The following RBCK1 variants were observed in gnomAD, a reference collection of about 807,000 sequenced individuals.
RBCK1 encodes the protein ranBP-type and C3HC4-type zinc finger-containing protein 1.
In RBCK1, 44 loss-of-function variants were observed where a neutral mutation model predicts 71.1. The ratio of observed to expected loss-of-function variants is 0.62; its 90% confidence interval spans 0.49 to 0.80. The LOEUF is 0.80. RBCK1 is among the 30% of genes least tolerant of loss of function. The pLI is 0.00. For missense variants in RBCK1, 569 were observed against 685.0 expected (o/e 0.83, Z 1.89); for synonymous variants, 306 against 279.7 (o/e 1.09, Z -0.94).
chr20:432,045 G>GTGTT lies in RBCK1; in HGVS notation c.*1616_*1619dup, dbSNP rs2017029389. Among the ~76,000 whole-genome samples, 1 of 152,226 alleles carries GTGTT rather than the reference G, an allele frequency of 6.6e-6. No homozygotes were observed. On this transcript the variant is annotated 3_prime_UTR_variant, in exon 12 of 12. Coordinates refer to ENST00000356286, the MANE Select transcript of RBCK1 (RefSeq NM_031229.4). This position sits in a 1 kb window ranked among gnomAD's most constrained non-coding sequence, Gnocchi z 4.3. ...CCACAGGCTGTAACCAGTCCACCCA[G>GTGTT]TGTTGTTTTAGAAATTTAAATCGGT...
At position 412,031 on chromosome 20, in the gene RBCK1, C is replaced by G. The variant is rs574705326; in HGVS notation, c.167+2006C>G. On this transcript the variant is annotated intron_variant, in intron 2 of 11. Transcript: ENST00000356286. Reference sequence around the variant, plus strand: ...GGAATTGCTGGGTCATACAGTAACTCTATGTTACTTTTTGAAGAAATGCCA... The same window carrying G: ...GGAATTGCTGGGTCATACAGTAACTGTATGTTACTTTTTGAAGAAATGCCA... 3.3e-5 allele frequency among the ~76,000 whole-genome samples: 5 copies of G among 152,302 alleles called. No homozygotes were observed. The South Asian group carries it at 8.3e-4, about 25-fold the overall frequency.
intron 7 of RBCK1, 40 bp downstream of exon 7, chr20:421,071 C>G (rs1341704498): frequency 1.3e-6 from 2 of 1,495,784 alleles, no homozygotes; most frequent in Admixed American, 4.1e-5. Flanking sequence ...GCAGCTTAAT[C>G]AAAGCCGCCA....
chr20:417,758 A>G lies in RBCK1; in HGVS notation c.288A>G (p.Pro96=). The change falls in exon 4 of 12, where the codon CCA becomes CCG. Residue 96 remains proline (P), a synonymous_variant. Coordinates refer to ENST00000356286, the MANE Select transcript of RBCK1 (RefSeq NM_031229.4). The surrounding 1 kb of genome is among the most constrained non-coding windows in gnomAD (Gnocchi z 4.7). ...TTTTTCTGGACTATGGCTTCCCACC[A>G]GTCTTGCAGCAGTGGGTGATTGGGC... ...DMVFLDYGFP[P]VLQQWVIGQR... The G allele has an allele frequency of 6.2e-7, 1 of 1,613,684 alleles. No individual in the cohort carries two copies. Among genetic ancestry groups the G allele is most frequent in the Non-Finnish European group, 8.5e-7 (1 of 1,179,696 alleles).
chr20:421,057 C>T, intron 7 of RBCK1, 26 bp downstream of exon 7: 1 of 1,517,088 alleles, frequency 6.6e-7, no homozygotes, highest in African/African-American at 1.4e-5. Flanking sequence ...CCACCCCCGG[C>T]AATGCAGCTT....
chr20:416,502 C>T (rs1969386523), intron 2 of RBCK1, among the ~76,000 whole-genome samples: 1 of 152,164 alleles, frequency 6.6e-6, no homozygotes, highest in Admixed American at 6.5e-5. Context: ...TCCTTGCTTT[C>T]TGAATGCAGT....
chr20:420,612 C>G, intron 6 of RBCK1: 1 of 975,734 alleles, frequency 1.0e-6, no homozygotes, highest in Non-Finnish European at 1.2e-6. Flanking sequence ...TTGGCTTCCC[C>G]ACCTCCACCT....
chr20:410,838 G>A, intron 2 of RBCK1: 1 of 339,966 alleles, frequency 2.9e-6, no homozygotes, highest in South Asian at 6.3e-5. Context: ...TTCTCTTGGT[G>A]GGTCCCATTT....
intron 2 of RBCK1, among the ~76,000 whole-genome samples, chr20:413,937 A>AT (rs995165702): frequency 7.2e-6 from 1 of 139,080 alleles, no homozygotes; most frequent in African/African-American, 2.6e-5. Context: ...AAAAAAAAAG[A>AT]TTAACACTTT....
chr20:426,210 TACAG>T (rs1288119292), intron 8 of RBCK1, among the ~76,000 whole-genome samples: 1 of 152,210 alleles, frequency 6.6e-6, no homozygotes, highest in African/African-American at 2.4e-5. Flanking sequence ...TCCTTTGTGT[TACAG>T]ACAATCCAGT....
intron 11 of RBCK1, among the ~76,000 whole-genome samples, chr20:429,714 G>A (rs1057406556): frequency 6.6e-6 from 1 of 152,140 alleles, no homozygotes; most frequent in Non-Finnish European, 1.5e-5. Context: ...ATGGCTGCCC[G>A]GCCCAAAATG....
Position 428,141 on chromosome 20 carries a change from C to T in RBCK1, c.1210-350C>T, listed in dbSNP as rs1276218491. ...AGTCTGGGGTCATTGGGCCTGTAACCCCGGGCAGGCCCTTGTTAGGGATGC... is the reference window on the plus strand; with the variant it reads ...AGTCTGGGGTCATTGGGCCTGTAACTCCGGGCAGGCCCTTGTTAGGGATGC... On this transcript the variant is annotated intron_variant, in intron 9 of 11. Transcript: ENST00000356286. This position sits in a 1 kb window ranked among gnomAD's most constrained non-coding sequence, Gnocchi z 5.7. Among the ~76,000 whole-genome samples, 1 of 152,204 alleles carries T rather than the reference C, an allele frequency of 6.6e-6. No homozygotes were observed. Among genetic ancestry groups the T allele is most frequent in the Non-Finnish European group, 1.5e-5 (1 of 68,040 alleles).
chr20:410,529 A>G, intron 2 of RBCK1: 1 of 779,750 alleles, frequency 1.3e-6, no homozygotes, highest in South Asian at 1.3e-5. Flanking sequence ...AATTGTACAC[A>G]CTTCTTCCGT....
At chr20:421,370 CAT>C (rs890712701) in intron 7 of RBCK1, among the ~76,000 whole-genome samples, 1 of 152,222 alleles carries the variant, frequency 6.6e-6, no homozygotes, top group African/African-American at 2.4e-5. Context: ...AGTCTCCTGT[CAT>C]GGCCCCCCCA....
chr20:417,938 T>A lies in RBCK1; in HGVS notation c.460+8T>A. ...AGCTGCGGATGCTGGAAGGTGAGGC[T>A]CTGCCCTGAGCACCGCCGGACCCAG... On this transcript the variant is annotated splice_region_variant and intron_variant, in intron 4 of 11. Transcript: ENST00000356286. The surrounding 1 kb of genome is among the most constrained non-coding windows in gnomAD (Gnocchi z 4.7). 1.2e-6 allele frequency: 2 copies of A among 1,602,656 alleles called. No individual in the cohort carries two copies. Among genetic ancestry groups the A allele is most frequent in the South Asian group, 2.2e-5 (2 of 90,860 alleles).
In RBCK1 at chr20:427,297, C is replaced by G. The variant is rs755087113; in HGVS notation, c.1030-16C>G. ...TGTTCTGAATCCTGAGCAGCAAGGA[C>G]ATGGTGTGTTGGCAGCTCCTGACCC... On this transcript the variant is annotated splice_polypyrimidine_tract_variant and intron_variant, in intron 8 of 11. Coordinates refer to ENST00000356286, the MANE Select transcript of RBCK1 (RefSeq NM_031229.4). The G allele has an allele frequency of 6.2e-7, 1 of 1,612,780 alleles. No homozygotes were observed.
At position 417,367 on chromosome 20, in the gene RBCK1, A is replaced by G. The variant is rs757133628; in HGVS notation, c.168-159A>G. On this transcript the variant is annotated intron_variant, in intron 2 of 11. Coordinates refer to ENST00000356286, the MANE Select transcript of RBCK1 (RefSeq NM_031229.4). This position sits in a 1 kb window ranked among gnomAD's most constrained non-coding sequence, Gnocchi z 4.7. The stretch of plus-strand genomic sequence containing the variant: ...GGTGGGTTCTAATAAAGGAAGAAGC[A>G]TGGGTGGGGCCTACCCCAGACTGGG... The G allele has an allele frequency of 1.3e-6, 1 of 763,292 alleles. No homozygotes were observed. Among genetic ancestry groups the G allele is most frequent in the Non-Finnish European group, 2.4e-6 (1 of 418,752 alleles). The allele number at this position is 763,292 out of a possible 1,614,324, so 47.3% of individuals were successfully genotyped here. A position where few individuals can be genotyped will look rare whatever the true frequency, so the allele number is the denominator to read the frequency against.
At position 429,039 on chromosome 20, in the gene RBCK1, C is replaced by T; in HGVS notation, c.1397C>T (p.Thr466Ile). 1 of 1,612,516 alleles carries T rather than the reference C, an allele frequency of 6.2e-7. No homozygotes were observed. The change falls in exon 11 of 12, where the codon ACC becomes ATC. Residue 466 changes from threonine to isoleucine, a missense_variant. By Grantham distance (89) the Thr-to-Ile change is moderately conservative (BLOSUM62 -1). Transcript: ENST00000356286. ...KKDGCDWIRC[T>I]VCHTEICWVT... ...GACGGCTGCGACTGGATCCGCTGCA[C>T]CGTCTGCCACACCGAGATCTGCTGG...
In RBCK1 at chr20:417,393, G is replaced by GTT. The variant is rs1323881199; in HGVS notation, c.168-131_168-130dup. On this transcript the variant is annotated intron_variant, in intron 2 of 11. Coordinates refer to ENST00000356286, the MANE Select transcript of RBCK1 (RefSeq NM_031229.4). The surrounding 1 kb of genome is among the most constrained non-coding windows in gnomAD (Gnocchi z 4.7). ...TGGGTGGGGCCTACCCCAGACTGGG[G>GTT]TTTGTGTGTGTGTGTGTGTGTGTGT... The GTT allele has an allele frequency of 1.2e-6, 1 of 835,066 alleles. No individual in the cohort carries two copies. Among genetic ancestry groups the GTT allele is most frequent in the African/African-American group, 2.0e-5 (1 of 50,726 alleles). The allele number at this position is 835,066 out of a possible 1,614,324, so 51.7% of individuals were successfully genotyped here. A position where few individuals can be genotyped will look rare whatever the true frequency, so the allele number is the denominator to read the frequency against.
rs770815337 is a variant in RBCK1, at chr20:417,830, G to A, written c.360G>A (p.Arg120=). Residue 120 remains arginine, a synonymous_variant, in exon 4 of 12, where the codon CGG becomes CGA. Transcript: ENST00000356286. This position sits in a 1 kb window ranked among gnomAD's most constrained non-coding sequence, Gnocchi z 4.7. ...DQETLHSHGV[R]QNGDSAYLYL... ...AGACCCTGCACTCCCATGGGGTGCG[G>A]CAGAATGGGGACAGTGCCTACCTCT... The A allele has an allele frequency of 1.2e-6, 2 of 1,613,910 alleles. No homozygotes were observed. The highest frequency in any genetic ancestry group is 8.5e-7 in the Non-Finnish European group (1 of 1,180,018).
Sources: gnomAD v4.1 joint callset for allele counts (sites outside exome capture counted in the v4.1 genomes callset) on GRCh38, gnomAD v4.1.1 for gene constraint, Gnocchi (gnomAD v3.1) non-coding constraint, MANE v1.5 for transcripts, NCBI Gene and HGNC (gene_info 2026-07-23, HGNC 2026-07-21) for gene names.